Variants in NNT observed in about 807,000 individuals in gnomAD.
NNT encodes the protein nicotinamide nucleotide transhydrogenase, also known as NAD(P) transhydrogenase, mitochondrial.
Under a neutral mutation model 104.8 loss-of-function variants are expected in NNT, and 50 were observed. That is an observed-to-expected ratio of 0.48 (90% CI 0.38 to 0.60). The LOEUF (loss-of-function observed/expected upper bound fraction) is 0.60, where lower values mean the gene tolerates loss of function less well. Among genes scored for constraint, NNT ranks in the 20% least tolerant of loss-of-function variants. The probability of loss-of-function intolerance (pLI) is 0.00; values close to 1 mark genes in which losing one functional copy is unlikely to be tolerated. For missense variants in NNT, 1,131 were observed against 1,330.7 expected (o/e 0.85, Z 2.33); for synonymous variants, 461 against 490.4 (o/e 0.94, Z 0.79).
At chr5:43,619,937 C>G (rs576241799) in intron 5 of NNT, among the ~76,000 whole-genome samples, 45 of 152,164 alleles carry the variant, frequency 3.0e-4, no homozygotes, top group African/African-American at 1.1e-3. Context: ...AGAGAGGAAT[C>G]AAGAGAGAGA....
chr5:43,664,935 G>C (rs1014307548), intron 17 of NNT, among the ~76,000 whole-genome samples: 1 of 152,096 alleles, frequency 6.6e-6, no homozygotes, highest in Admixed American at 6.5e-5. Context: ...TTAAACTACT[G>C]TGTGGTTCCT....
chr5:43,607,425 G>A (rs1401496169), intron 1 of NNT, among the ~76,000 whole-genome samples: 1 of 152,072 alleles, frequency 6.6e-6, no homozygotes, highest in Non-Finnish European at 1.5e-5. Flanking sequence ...GTCTGCAAGA[G>A]AAAACCTCCC....
intron 19 of NNT, among the ~76,000 whole-genome samples, chr5:43,693,096 G>A (rs946749979): frequency 6.0e-5 from 9 of 150,202 alleles, no homozygotes; most frequent in African/African-American, 2.2e-4. Context: ...TATTGTCCCT[G>A]AACCTGAGGG....
chr5:43,656,877 A>G, intron 16 of NNT, 64 bp downstream of exon 16: 1 of 1,451,202 alleles, frequency 6.9e-7, no homozygotes, highest in Non-Finnish European at 9.3e-7. Context: ...TGTTAGATTA[A>G]AGTGTAATCA....
Position 43,609,249 on chromosome 5 carries a change from C to A in NNT, c.54C>A (p.Ser18Arg). ...VVTGCSCPLL[S>R]NLGSCKGLRV... ...CTGGCTGCTCGTGTCCTCTACTTAGCAATTTGGGGTCCTGTAAGGGTCTAC... is the reference window on the plus strand; with the variant it reads ...CTGGCTGCTCGTGTCCTCTACTTAGAAATTTGGGGTCCTGTAAGGGTCTAC... The change falls in exon 2 of 22, where the codon AGC becomes AGA. Residue 18 changes from serine to arginine, a missense_variant. Coordinates refer to ENST00000344920, the MANE Select transcript of NNT (RefSeq NM_182977.3). 1 of 1,613,872 alleles carries A rather than the reference C, an allele frequency of 6.2e-7. No individual in the cohort carries two copies. The highest frequency in any genetic ancestry group is 1.1e-5 in the South Asian group (1 of 91,068).
At chr5:43,609,112 C>T in intron 1 of NNT, 31 bp from the exon 2 acceptor site, 4 of 1,033,950 alleles carry the variant, frequency 3.9e-6, no homozygotes, top group Non-Finnish European at 5.7e-6. Context: ...TTTTTCTTGG[C>T]ATATATACAT....
chr5:43,666,567 C>CAGGGGGAGACCGAGCAGAGAGGG (rs1740699570), intron 17 of NNT, among the ~76,000 whole-genome samples: 1 of 137,270 alleles, frequency 7.3e-6, no homozygotes, highest in African/African-American at 2.8e-5. Context: ...AGCTCGGCAT[C>CAGGGGGAGACCGAGCAGAGAGGG]AGGGGGAGAC....
intron 17 of NNT, among the ~76,000 whole-genome samples, chr5:43,661,544 A>G (rs1215136089): frequency 5.7e-5 from 8 of 141,430 alleles, no homozygotes; most frequent in South Asian, 2.5e-4. Context: ...ATATCTCCCA[A>G]TGCTATCCCT....
Position 43,615,915 on chromosome 5 carries a change from C to T in NNT, c.449C>T (p.Thr150Met), listed in dbSNP as rs775681133. Residue 150 changes from threonine (T) to methionine (M), a missense_variant, in exon 4 of 22, where the codon ACG becomes ATG. Transcript: ENST00000344920. ...GCTGACCTTTTAAAGACATCAGGAA[C>T]GCTGATTAGTTTTATTTACCCAGCC... Reference protein sequence around the residue: ...HEADLLKTSGTLISFIYPAQN... With the variant: ...HEADLLKTSGMLISFIYPAQN... The T allele has an allele frequency of 2.1e-5, 34 of 1,613,980 alleles. No individual in the cohort carries two copies. The highest frequency in any genetic ancestry group is 1.3e-4 in the South Asian group (12 of 91,078).
intron 1 of NNT, among the ~76,000 whole-genome samples, chr5:43,605,196 C>T (rs975306460): frequency 5.3e-5 from 8 of 152,130 alleles, no homozygotes; most frequent in African/African-American, 1.9e-4. Context: ...TTACATTAAA[C>T]ATACATATGA....
At chr5:43,654,395 G>A (rs1739930448) in intron 14 of NNT, among the ~76,000 whole-genome samples, 1 of 152,206 alleles carries the variant, frequency 6.6e-6, no homozygotes, top group South Asian at 2.1e-4. Context: ...GTGACATTGT[G>A]AATAGCACAA....
chr5:43,604,794 C>A (rs909786127), intron 1 of NNT, among the ~76,000 whole-genome samples: 1 of 152,146 alleles, frequency 6.6e-6, no homozygotes, highest in African/African-American at 2.4e-5. Context: ...ACCTCAGACT[C>A]CCAAGTAGCT....
At chr5:43,653,954 CA>C (rs1189629677) in intron 14 of NNT, among the ~76,000 whole-genome samples, 1,665 of 100,778 alleles carry the variant, frequency 0.017, 20 homozygotes, top group African/African-American at 0.044. Flanking sequence ...GACTCTGTCT[CA>C]AAAAAAAAAA....
intron 14 of NNT, among the ~76,000 whole-genome samples, chr5:43,654,551 TCAAA>T (rs1372953728): frequency 2.0e-5 from 3 of 152,240 alleles, no homozygotes; most frequent in Non-Finnish European, 4.4e-5. Context: ...AATAAAAATA[TCAAA>T]CAATGTTCCT....
chr5:43,648,136 G>A, intron 10 of NNT: 1 of 1,177,666 alleles, frequency 8.5e-7, no homozygotes, highest in Non-Finnish European at 1.1e-6. Context: ...TCTCTCACCA[G>A]ATGGTTAATG....
chr5:43,644,678 CCAA>C lies in NNT; in HGVS notation c.1172_1174del (p.Asn391del). 2 of 1,614,132 alleles carry C rather than the reference CCAA, an allele frequency of 1.2e-6. No individual in the cohort carries two copies. The highest frequency in any genetic ancestry group is 1.3e-5 in the African/African-American group (1 of 75,028). On this transcript the variant is annotated inframe_deletion, in exon 9 of 22. Transcript: ENST00000344920. ...GCCACTCAGGCCAGCACCCTATATT[CCAA>C]CAACATCACCAAACTCCTGAAGGCC...
intron 19 of NNT, among the ~76,000 whole-genome samples, chr5:43,689,497 ATTATC>A (rs1742154743): frequency 6.6e-6 from 1 of 152,064 alleles, no homozygotes; most frequent in African/African-American, 2.4e-5. Context: ...TTTTTCTCAT[ATTATC>A]TTATAGAATC....
At chr5:43,690,297 A>T (rs1217767744) in intron 19 of NNT, among the ~76,000 whole-genome samples, 2 of 152,156 alleles carry the variant, frequency 1.3e-5, no homozygotes, top group African/African-American at 4.8e-5. Flanking sequence ...AAGTGATAAC[A>T]AATTTGTGTT....
chr5:43,702,891 C>T (rs1742933880), intron 21 of NNT, among the ~76,000 whole-genome samples, 155 bp downstream of exon 21: 1 of 152,162 alleles, frequency 6.6e-6, no homozygotes. Context: ...TATCCAGCTT[C>T]TGTCTGTTCT....
Sources: allele counts gnomAD v4.1 joint callset (sites outside exome capture counted in the v4.1 genomes callset), GRCh38; gene constraint gnomAD v4.1.1; transcripts MANE v1.5; gene names NCBI Gene and HGNC (gene_info 2026-07-23, HGNC 2026-07-21).